The following ZBTB8A variants were observed in gnomAD, a reference collection of about 807,000 sequenced individuals.
ZBTB8A encodes zinc finger and BTB domain containing 8A.
A neutral mutation model predicts 37.8 loss-of-function variants in ZBTB8A; 19 were observed. The observed-to-expected ratio is 0.50, with a 90% confidence interval of 0.35 to 0.74. The LOEUF (loss-of-function observed/expected upper bound fraction) is 0.74, where lower values mean the gene tolerates loss of function less well. ZBTB8A is among the 30% of genes least tolerant of loss of function. The probability of loss-of-function intolerance (pLI) is 0.01; values close to 1 mark genes in which losing one functional copy is unlikely to be tolerated. For missense variants in ZBTB8A, 394 were observed against 537.8 expected (o/e 0.73, Z 2.65); for synonymous variants, 181 against 185.2 (o/e 0.98, Z 0.19).
At chr1:32,556,393 G>A (rs757650385) in intron 2 of ZBTB8A, among the ~76,000 whole-genome samples, 2 of 149,652 alleles carry the variant, frequency 1.3e-5, no homozygotes, top group African/African-American at 4.9e-5. Context: ...TTAGAGACAG[G>A]GTCTTGCTCT....
At chr1:32,575,385 C>G (rs1171758601) in intron 2 of ZBTB8A, among the ~76,000 whole-genome samples, 1 of 151,712 alleles carries the variant, frequency 6.6e-6, no homozygotes, top group Non-Finnish European at 1.5e-5. Flanking sequence ...TGCCACCACA[C>G]CTGGCTAATT....
In ZBTB8A at chr1:32,589,794, C is replaced by T. The variant is rs921805769; in HGVS notation, c.-1-3137C>T. Among the ~76,000 whole-genome samples the T allele has an allele frequency of 9.2e-5, 14 of 151,858 alleles. No individual in the cohort carries two copies. The East Asian group carries it at 1.2e-3, about 13-fold the overall frequency. On this transcript the variant is annotated intron_variant, in intron 2 of 4. Coordinates refer to ENST00000373510, the MANE Select transcript of ZBTB8A (RefSeq NM_001040441.3). ...CTCAAACTCCTGACCTCAGGTGATC[C>T]GTCAGCCTCGGCCTCTCAAAGTGCT...
intron 2 of ZBTB8A, among the ~76,000 whole-genome samples, chr1:32,568,511 T>G (rs1389836311): frequency 2.6e-5 from 4 of 152,040 alleles, no homozygotes; most frequent in African/African-American, 9.7e-5. Context: ...CTCAGCCTCC[T>G]GAGTAGCTGG....
At chr1:32,566,325 G>A (rs1644279036) in intron 2 of ZBTB8A, among the ~76,000 whole-genome samples, 1 of 152,016 alleles carries the variant, frequency 6.6e-6, no homozygotes, top group Admixed American at 6.6e-5. Context: ...ACCAGCATAG[G>A]CAAAATAGTG....
intron 2 of ZBTB8A, among the ~76,000 whole-genome samples, chr1:32,577,586 CTTTTT>C (rs775868211): frequency 3.5e-5 from 3 of 86,762 alleles, no homozygotes; most frequent in South Asian, 3.9e-4. Context: ...ATATTGTATT[CTTTTT>C]TTTTTTTTTT....
chr1:32,558,072 A>G (rs1019400507), intron 2 of ZBTB8A, among the ~76,000 whole-genome samples: 3 of 152,198 alleles, frequency 2.0e-5, no homozygotes, highest in Non-Finnish European at 4.4e-5. Context: ...GACATATCAC[A>G]TACACATATA....
At chr1:32,555,035 ATCG>A (rs1173350991) in intron 2 of ZBTB8A, among the ~76,000 whole-genome samples, 11 of 152,194 alleles carry the variant, frequency 7.2e-5, no homozygotes, top group Admixed American at 7.2e-4. Flanking sequence ...CCACAGCTGC[ATCG>A]TGCAGCCTTG....
At chr1:32,552,003 C>T (rs1644160449) in intron 1 of ZBTB8A, among the ~76,000 whole-genome samples, 1 of 152,128 alleles carries the variant, frequency 6.6e-6, no homozygotes, top group Non-Finnish European at 1.5e-5. Flanking sequence ...GACTTACTAT[C>T]TTGGTATCAT....
chr1:32,591,029 G>T (rs374896174), intron 2 of ZBTB8A, among the ~76,000 whole-genome samples: 1 of 149,646 alleles, frequency 6.7e-6, no homozygotes, highest in South Asian at 2.1e-4. Context: ...AAATAACTGG[G>T]ATTACATGTG....
At chr1:32,583,599 C>T (rs1164936430) in intron 2 of ZBTB8A, among the ~76,000 whole-genome samples, 2 of 151,874 alleles carry the variant, frequency 1.3e-5, no homozygotes, top group African/African-American at 4.8e-5. Context: ...ATGATTAAGC[C>T]CTAATCTGCA....
At chr1:32,555,918 ATT>A (rs548903481) in intron 2 of ZBTB8A, among the ~76,000 whole-genome samples, 1 of 147,626 alleles carries the variant, frequency 6.8e-6, no homozygotes. Flanking sequence ...TTTTAATTTA[ATT>A]TTTTTTTTTT....
chr1:32,569,792 T>G (rs1644311439), intron 2 of ZBTB8A, among the ~76,000 whole-genome samples: 1 of 150,238 alleles, frequency 6.7e-6, no homozygotes, highest in Non-Finnish European at 1.5e-5. Context: ...TTTTTTTTTT[T>G]GTCTGTAAAA....
chr1:32,599,211 A>T (rs933667928), intron 4 of ZBTB8A, among the ~76,000 whole-genome samples: 2 of 151,538 alleles, frequency 1.3e-5, no homozygotes, highest in Non-Finnish European at 2.9e-5. Context: ...CCCCACCTCA[A>T]ATTAAGATAT....
rs145136687 is a variant in ZBTB8A, at chr1:32,580,103, A to G, written c.-1-12828A>G. ...AGGCCGGGCATGGTGGCTCACACCTATAATCCCAGAACTTGAAGCTCAGGC... is the reference window on the plus strand; with the variant it reads ...AGGCCGGGCATGGTGGCTCACACCTGTAATCCCAGAACTTGAAGCTCAGGC... On this transcript the variant is annotated intron_variant, in intron 2 of 4. Transcript: ENST00000373510. 4.2e-3 allele frequency among the ~76,000 whole-genome samples: 646 copies of G among 152,170 alleles called. 6 individuals carry two copies. Among genetic ancestry groups the G allele is most frequent in the African/African-American group, 0.014 (577 of 41,522 alleles).
chr1:32,592,178 T>G (rs1239812916), intron 2 of ZBTB8A, among the ~76,000 whole-genome samples: 1 of 152,116 alleles, frequency 6.6e-6, no homozygotes, highest in Admixed American at 6.6e-5. Flanking sequence ...TTGAAACCTA[T>G]TATCTTCTGT....
intron 2 of ZBTB8A, among the ~76,000 whole-genome samples, chr1:32,571,218 C>T (rs1644320582): frequency 6.6e-6 from 1 of 152,232 alleles, no homozygotes; most frequent in South Asian, 2.1e-4. Flanking sequence ...CACTGACCAA[C>T]ACCTCTAGTA....
Position 32,593,110 on chromosome 1 carries a change from C to T in ZBTB8A, c.179C>T (p.Thr60Met), listed in dbSNP as rs762413324. ...KMLLSQNSKE[T>M]SQPTTATFQA... is the part of the protein sequence containing the mutation. ...CTTCTTTCTCAGAATTCAAAGGAGA[C>T]GAGTCAGCCAACCACAGCTACATTT... The change falls in exon 3 of 5, where the codon ACG becomes ATG. Residue 60 changes from threonine (T) to methionine (M), a missense_variant. Transcript: ENST00000373510. The T allele has an allele frequency of 7.4e-6, 12 of 1,614,054 alleles. No individual in the cohort carries two copies. The highest frequency in any genetic ancestry group is 1.6e-4 in the Middle Eastern group (1 of 6,084).
intron 4 of ZBTB8A, among the ~76,000 whole-genome samples, chr1:32,597,526 C>T (rs1644542614): frequency 6.6e-6 from 1 of 152,188 alleles, no homozygotes; most frequent in Non-Finnish European, 1.5e-5. Flanking sequence ...TTTGTACTTT[C>T]CCTACCACAG....
chr1:32,548,105 C>T (rs1349075784), intron 1 of ZBTB8A, among the ~76,000 whole-genome samples: 1 of 136,550 alleles, frequency 7.3e-6, no homozygotes, highest in East Asian at 2.2e-4. Flanking sequence ...TGCACTCCAG[C>T]TTGGGCGACA....
Sources: gnomAD v4.1 joint callset for allele counts (sites outside exome capture counted in the v4.1 genomes callset) on GRCh38, gnomAD v4.1.1 for gene constraint, MANE v1.5 for transcripts, NCBI Gene and HGNC (gene_info 2026-07-23, HGNC 2026-07-21) for gene names.